ERICH6B: variants seen among roughly 807,000 people sequenced by gnomAD.
ERICH6B encodes the protein glutamate rich 6B.
ERICH6B carries 69 observed loss-of-function variants against 80.0 expected under a neutral mutation model. That is an observed-to-expected ratio of 0.86 (90% confidence interval 0.71 to 1.05). ERICH6B has a LOEUF of 1.05. Among genes scored for constraint, ERICH6B ranks in the 50% least tolerant of loss-of-function variants. The pLI is 0.00. For missense variants in ERICH6B, 754 were observed against 796.1 expected, an observed-to-expected ratio of 0.95 and a Z score of 0.64; for synonymous variants, 283 against 291.9, an observed-to-expected ratio of 0.97 and a Z score of 0.31.
intron 11 of ERICH6B, among the ~76,000 whole-genome samples, chr13:45,554,725 G>A (rs1874366223): frequency 6.6e-6 from 1 of 152,236 alleles, no homozygotes; most frequent in Admixed American, 6.5e-5. Context: ...AGAGCTTAAA[G>A]TGCAGAGTAA....
At chr13:45,590,906 A>G (rs1263952890) in intron 3 of ERICH6B, among the ~76,000 whole-genome samples, 2 of 152,210 alleles carry the variant, frequency 1.3e-5, no homozygotes, top group African/African-American at 4.8e-5. Context: ...GATACTTTTC[A>G]GGCAATCATG....
At chr13:45,610,654 G>A (rs550222244) in intron 1 of ERICH6B, among the ~76,000 whole-genome samples, 1 of 152,258 alleles carries the variant, frequency 6.6e-6, no homozygotes, top group South Asian at 2.1e-4. Context: ...TTGCTTCTAT[G>A]CTACAAGCTG....
chr13:45,572,187 A>G (rs1875200669), intron 8 of ERICH6B, among the ~76,000 whole-genome samples: 1 of 152,166 alleles, frequency 6.6e-6, no homozygotes, highest in African/African-American at 2.4e-5. Context: ...TCACCCTACA[A>G]ATGTACCCTT....
chr13:45,568,460 G>T lies in ERICH6B; in HGVS notation c.1051-9C>A. 1 of 1,482,490 alleles carries T rather than the reference G, an allele frequency of 6.7e-7. No individual in the cohort carries two copies. Among genetic ancestry groups the T allele is most frequent in the Non-Finnish European group, 8.9e-7 (1 of 1,118,802 alleles). The allele number at this position is 1,482,490 out of a possible 1,614,324, so 91.8% of individuals were successfully genotyped here. A position where few individuals can be genotyped will look rare whatever the true frequency, so the allele number is the denominator to read the frequency against. On this transcript the variant is annotated splice_polypyrimidine_tract_variant and intron_variant, in intron 8 of 14. Transcript: ENST00000298738. Reference sequence around the variant, plus strand: ...TAGGAGCTGTTCAAAAACTACAAAAGGATCAAAGAATGAAATATTCAGAAA... The same window carrying T: ...TAGGAGCTGTTCAAAAACTACAAAATGATCAAAGAATGAAATATTCAGAAA...
intron 9 of ERICH6B, 27 bp from the exon 10 acceptor site, chr13:45,563,815 A>C (rs891572063): frequency 1.3e-6 from 2 of 1,537,020 alleles, no homozygotes; most frequent in African/African-American, 2.8e-5. Flanking sequence ...TCATCTTTAG[A>C]AGCCAAGACT....
rs1261905623 is a variant in ERICH6B at position 45,568,429 on chromosome 13, G to C, written c.1073C>G (p.Thr358Arg). ...DENFLNSSYQTVFKTIIKEMA... is the reference protein window; with the variant it reads ...DENFLNSSYQRVFKTIIKEMA... ...TTCTTTGATTATTGTTTTAAATACT[G>C]TCTGATAGGAGCTGTTCAAAAACTA... Residue 358 changes from threonine (T) to arginine (R), a missense_variant, in exon 9 of 15, where the codon ACA becomes AGA. Thr to Arg is a moderately conservative substitution (Grantham distance 71). Transcript: ENST00000298738. 1.3e-6 allele frequency: 2 copies of C among 1,544,090 alleles called. No homozygotes were observed. Among genetic ancestry groups the C allele is most frequent in the Non-Finnish European group, 1.7e-6 (2 of 1,144,268 alleles).
chr13:45,568,853 A>AT (rs11299628), intron 8 of ERICH6B, among the ~76,000 whole-genome samples: 2 of 151,922 alleles, frequency 1.3e-5, no homozygotes, highest in Non-Finnish European at 1.5e-5. Flanking sequence ...TTTCCTTAAA[A>AT]TTTTTTTTTA....
intron 8 of ERICH6B, among the ~76,000 whole-genome samples, chr13:45,574,087 T>C (rs991007690): frequency 3.5e-4 from 53 of 152,354 alleles, no homozygotes; most frequent in African/African-American, 1.3e-3. Context: ...ATTTAGTTTT[T>C]TGCATTTTCT....
At chr13:45,549,821 G>A in intron 13 of ERICH6B, 72 bp downstream of exon 13, 1 of 1,478,194 alleles carries the variant, frequency 6.8e-7, no homozygotes, top group Non-Finnish European at 9.1e-7. Context: ...AGTTCATACA[G>A]TCTGGGAGTC....
chr13:45,569,404 G>T (rs1199256701), intron 8 of ERICH6B, among the ~76,000 whole-genome samples: 1 of 152,226 alleles, frequency 6.6e-6, no homozygotes, highest in Non-Finnish European at 1.5e-5. Flanking sequence ...GGAACTACAG[G>T]TGTGTGCCAC....
At chr13:45,592,447 G>T (rs972827375) in intron 3 of ERICH6B, among the ~76,000 whole-genome samples, 2 of 152,198 alleles carry the variant, frequency 1.3e-5, no homozygotes, top group African/African-American at 4.8e-5. Context: ...GAATTGCTAG[G>T]TTCCCTGTTG....
At chr13:45,564,712 G>A (rs56320981) in intron 9 of ERICH6B, among the ~76,000 whole-genome samples, 5,448 of 152,270 alleles carry the variant, frequency 0.036, 331 homozygotes, top group African/African-American at 0.12. Flanking sequence ...GACTTTTAAT[G>A]GAATTGAAGC....
chr13:45,606,850 C>T (rs1180043294), intron 2 of ERICH6B, among the ~76,000 whole-genome samples: 2 of 151,754 alleles, frequency 1.3e-5, no homozygotes, highest in Non-Finnish European at 2.9e-5. Flanking sequence ...CACTGCACCT[C>T]GCCTAAAAAG....
At chr13:45,583,394 G>A (rs1875754343) in intron 5 of ERICH6B, among the ~76,000 whole-genome samples, 1 of 152,106 alleles carries the variant, frequency 6.6e-6, no homozygotes, top group Non-Finnish European at 1.5e-5. Context: ...CAGTTTTCCT[G>A]ACACTATTCT....
chr13:45,568,288 A>C (rs1337423377), intron 9 of ERICH6B, 27 bp downstream of exon 9: 1 of 1,515,790 alleles, frequency 6.6e-7, no homozygotes, highest in Non-Finnish European at 8.8e-7. Flanking sequence ...TCCACTGACC[A>C]ATCACTTGGC....
chr13:45,545,028 C>T, intron 13 of ERICH6B, 43 bp from the exon 14 acceptor site: 6 of 1,472,582 alleles, frequency 4.1e-6, no homozygotes, highest in Non-Finnish European at 5.5e-6. Context: ...GGCGCTCAGC[C>T]CTGGGCCTCT....
chr13:45,541,739 G>C, intron 14 of ERICH6B, 59 bp from the exon 15 acceptor site: 1 of 1,484,990 alleles, frequency 6.7e-7, no homozygotes, highest in Non-Finnish European at 9.2e-7. Flanking sequence ...CGGTGCCCCA[G>C]ACCCAGGCCA....
chr13:45,554,149 A>G (rs1018325001), intron 11 of ERICH6B, among the ~76,000 whole-genome samples: 2 of 152,094 alleles, frequency 1.3e-5, no homozygotes, highest in Non-Finnish European at 2.9e-5. Context: ...CCTACTCCTC[A>G]GCTCCTGGCC....
In ERICH6B at chr13:45,596,946, G is replaced by C; in HGVS notation, c.60C>G (p.Pro20=). 1 of 1,551,728 alleles carries C rather than the reference G, an allele frequency of 6.4e-7. No individual in the cohort carries two copies. Among genetic ancestry groups the C allele is most frequent in the Non-Finnish European group, 8.7e-7 (1 of 1,147,000 alleles). The change falls in exon 3 of 15, where the codon CCC becomes CCG. Residue 20 remains proline (P), a synonymous_variant. Transcript: ENST00000298738. ...AAGGCAAGTTCTGTGTGGAATATTG[G>C]GGAGTTGTGGGAGGGTGAGGAGGTG... The part of the protein sequence containing the change: ...GASPPHPPTT[P]QYSTQNLPSE...
Sources: allele counts gnomAD v4.1 joint callset (sites outside exome capture counted in the v4.1 genomes callset), GRCh38; gene constraint gnomAD v4.1.1; transcripts MANE v1.5; gene names NCBI Gene and HGNC (gene_info 2026-07-23, HGNC 2026-07-21).